The following DMAC1 variants were observed in gnomAD, a reference collection of about 807,000 sequenced individuals.
The protein encoded by DMAC1 is distal membrane-arm assembly complex protein 1.
A neutral mutation model predicts 7.0 loss-of-function variants in DMAC1; 10 were observed. The observed-to-expected ratio is 1.43, with a 90% confidence interval of 0.88 to 2.43. The LOEUF (loss-of-function observed/expected upper bound fraction) is 2.43, where lower values mean the gene tolerates loss of function less well. DMAC1 is among the 30% of genes most tolerant of loss of function. The pLI is 0.00. For missense variants in DMAC1, 219 were observed against 158.7 expected, an observed-to-expected ratio of 1.38 and a Z score of -2.04; for synonymous variants, 92 against 66.2, an observed-to-expected ratio of 1.39 and a Z score of -1.90.
chr9:7,799,525 C>CA lies in DMAC1; in HGVS notation c.209_210insT (p.Lys71GlufsTer89), dbSNP rs1818696920. 6.2e-7 allele frequency: 1 copy of CA among 1,613,628 alleles called. No homozygotes were observed. Among genetic ancestry groups the CA allele is most frequent in the African/African-American group, 1.3e-5 (1 of 74,890 alleles). On this transcript the variant is annotated frameshift_variant, in exon 1 of 2. Coordinates refer to ENST00000358227, the MANE Select transcript of DMAC1 (RefSeq NM_033428.3). LOFTEE classifies it high-confidence loss of function. Reference sequence around the variant, plus strand: ...GGGGGTATCCCATCTTCATGGGCTTCCGTGCCACCCAGTACACGTACCCGC... The same window carrying CA: ...GGGGGTATCCCATCTTCATGGGCTTCACGTGCCACCCAGTACACGTACCCGC...
rs1166060061 is a variant in DMAC1 at position 7,796,698 on chromosome 9, A to G, written c.*1875T>C. 2 of 152,216 alleles carry G rather than the reference A, an allele frequency of 1.3e-5. No homozygotes were observed. Among genetic ancestry groups the G allele is most frequent in the Non-Finnish European group, 2.9e-5 (2 of 68,044 alleles). The allele number at this position is 152,216 out of a possible 1,614,324, so 9.4% of individuals were successfully genotyped here. On this transcript the variant is annotated 3_prime_UTR_variant, in exon 2 of 2. Coordinates refer to ENST00000358227, the MANE Select transcript of DMAC1 (RefSeq NM_033428.3). Reference sequence around the variant, plus strand: ...ACCAACTCCTCTTGCTCCTCAGACTACTCAGCGTGAAGATGAGGATGAAGA... The same window carrying G: ...ACCAACTCCTCTTGCTCCTCAGACTGCTCAGCGTGAAGATGAGGATGAAGA...
chr9:7,799,584 G>C lies in DMAC1; in HGVS notation c.151C>G (p.Arg51Gly). The C allele has an allele frequency of 6.2e-7, 1 of 1,613,564 alleles. No individual in the cohort carries two copies. Among genetic ancestry groups the C allele is most frequent in the South Asian group, 1.1e-5 (1 of 91,022 alleles). ...ATCAGCCCCAACCCAGAAAGCACGC[G>C]ACAGCTCCAGCAGGTCTTCAACAGG... ...HRLLKTCWSCRVLSGLGLMGA... is the reference protein window; with the variant it reads ...HRLLKTCWSCGVLSGLGLMGA... The change falls in exon 1 of 2, where the codon CGC becomes GGC. Residue 51 changes from arginine (R) to glycine (G), a missense_variant. Arg to Gly is a moderately radical substitution (Grantham distance 125). Coordinates refer to ENST00000358227, the MANE Select transcript of DMAC1 (RefSeq NM_033428.3).
Position 7,798,575 on chromosome 9 carries a change from AAAC to A in DMAC1, c.334_336del (p.Val112del), listed in dbSNP as rs774054606. ...AGACAGATTCACTGGTGGTACTTTC[AAAC>A]AACGCGGTAGGCCTTCCCTTTGGGG... On this transcript the variant is annotated inframe_deletion, in exon 2 of 2. Coordinates refer to ENST00000358227, the MANE Select transcript of DMAC1 (RefSeq NM_033428.3). 4.3e-6 allele frequency: 7 copies of A among 1,613,822 alleles called. No homozygotes were observed. Among genetic ancestry groups the A allele is most frequent in the Middle Eastern group, 3.3e-4 (2 of 6,060 alleles).
chr9:7,799,413 T>TA, intron 1 of DMAC1, 48 bp downstream of exon 1: 1 of 1,600,374 alleles, frequency 6.2e-7, no homozygotes. Context: ...TTCCTTCCTC[T>TA]ACCCCGCAGA....
rs1008666272 is a variant in DMAC1 at position 7,796,502 on chromosome 9, A to C, written c.*2071T>G. ...GAACCAAACACACTTTGGCATTATT[A>C]ATGGTGAGCAGGCAGGTTTATTCAG... On this transcript the variant is annotated 3_prime_UTR_variant, in exon 2 of 2. Coordinates refer to ENST00000358227, the MANE Select transcript of DMAC1 (RefSeq NM_033428.3). The C allele has an allele frequency of 6.6e-6, 1 of 152,258 alleles. No homozygotes were observed. The highest frequency in any genetic ancestry group is 1.5e-5 in the Non-Finnish European group (1 of 68,048). 9.4% of individuals were successfully genotyped at this position (152,258 alleles called of 1,614,324 possible). A position where few individuals can be genotyped will look rare whatever the true frequency, so the allele number is the denominator to read the frequency against.
chr9:7,799,317 T>C, intron 1 of DMAC1, 144 bp downstream of exon 1: 3 of 1,060,940 alleles, frequency 2.8e-6, no homozygotes, highest in African/African-American at 1.6e-5. Flanking sequence ...AACAACTTCC[T>C]CTCCCACCTT....
chr9:7,799,648 T>TG lies in DMAC1; in HGVS notation c.86dup (p.Ala30SerfsTer130), dbSNP rs781664708. The stretch of plus-strand genomic sequence containing the variant: ...GGGAGGTCGGCGCTCCGGGTGTAGC[T>TG]GGGGGCGCAGGTTTGGCGGGCGCGG... On this transcript the variant is annotated frameshift_variant, in exon 1 of 2. Transcript: ENST00000358227. LOFTEE classifies it high-confidence loss of function. The TG allele has an allele frequency of 8.1e-6, 13 of 1,611,738 alleles. No individual in the cohort carries two copies. The highest frequency in any genetic ancestry group is 2.7e-5 in the African/African-American group (2 of 74,852).
chr9:7,796,678 C>T lies in DMAC1; in HGVS notation c.*1895G>A, dbSNP rs1818606687. 1 of 152,220 alleles carries T rather than the reference C, an allele frequency of 6.6e-6. No individual in the cohort carries two copies. Among genetic ancestry groups the T allele is most frequent in the Admixed American group, 6.5e-5 (1 of 15,284 alleles). 9.4% of individuals were successfully genotyped at this position (152,220 alleles called of 1,614,324 possible). A position where few individuals can be genotyped will look rare whatever the true frequency, so the allele number is the denominator to read the frequency against. ...TCTGCCACTGGGACAGAAAGACCAA[C>T]TCCTCTTGCTCCTCAGACTACTCAG... On this transcript the variant is annotated 3_prime_UTR_variant, in exon 2 of 2. Transcript: ENST00000358227.
chr9:7,797,460 C>G lies in DMAC1; in HGVS notation c.*1113G>C, dbSNP rs1166124786. 6.6e-6 allele frequency: 1 copy of G among 152,184 alleles called. No homozygotes were observed. The highest frequency in any genetic ancestry group is 1.5e-5 in the Non-Finnish European group (1 of 68,042). The allele number at this position is 152,184 out of a possible 1,614,324, so 9.4% of individuals were successfully genotyped here. A position where few individuals can be genotyped will look rare whatever the true frequency, so the allele number is the denominator to read the frequency against. On this transcript the variant is annotated 3_prime_UTR_variant, in exon 2 of 2. Transcript: ENST00000358227. Reference sequence around the variant, plus strand: ...AAAGCAACAGCCGTAAAGGTACTACCTGCTCAACATGTCATTCCAAACAAA... The same window carrying G: ...AAAGCAACAGCCGTAAAGGTACTACGTGCTCAACATGTCATTCCAAACAAA...
In DMAC1 at chr9:7,797,126, C is replaced by G. The variant is rs1219206845; in HGVS notation, c.*1447G>C. Reference sequence around the variant, plus strand: ...GCAGTCCATCAATAGAACAGACTGCCTTTTAAACCAGGGAACAACTTGTCT... The same window carrying G: ...GCAGTCCATCAATAGAACAGACTGCGTTTTAAACCAGGGAACAACTTGTCT... On this transcript the variant is annotated 3_prime_UTR_variant, in exon 2 of 2. Transcript: ENST00000358227. 1 of 152,136 alleles carries G rather than the reference C, an allele frequency of 6.6e-6. No individual in the cohort carries two copies. The highest frequency in any genetic ancestry group is 2.4e-5 in the African/African-American group (1 of 41,424). The allele number at this position is 152,136 out of a possible 1,614,324, so 9.4% of individuals were successfully genotyped here. A position where few individuals can be genotyped will look rare whatever the true frequency, so the allele number is the denominator to read the frequency against.
chr9:7,799,664 G>A lies in DMAC1; in HGVS notation c.71C>T (p.Ala24Val). Residue 24 changes from alanine (A) to valine (V), a missense_variant, in exon 1 of 2, where the codon GCC (alanine) becomes GTC (valine). Ala to Val is a moderately conservative substitution (Grantham distance 64). Coordinates refer to ENST00000358227, the MANE Select transcript of DMAC1 (RefSeq NM_033428.3). ...GGGTGTAGCTGGGGGCGCAGGTTTG[G>A]CGGGCGCGGCGGCGGTACCGGGAGG... is the stretch of plus-strand genomic sequence containing the variant. ...TAPPGTAAAP[A>V]KPAPPATPGA... 1 of 1,608,186 alleles carries A rather than the reference G, an allele frequency of 6.2e-7. No homozygotes were observed. Among genetic ancestry groups the A allele is most frequent in the South Asian group, 1.1e-5 (1 of 90,562 alleles).
chr9:7,798,110 C>T lies in DMAC1; in HGVS notation c.*463G>A, dbSNP rs1818652025. 6.6e-6 allele frequency: 1 copy of T among 152,504 alleles called. No individual in the cohort carries two copies. The highest frequency in any genetic ancestry group is 2.4e-5 in the African/African-American group (1 of 41,406). 9.4% of individuals were successfully genotyped at this position (152,504 alleles called of 1,614,324 possible). ...CCAATTATGAAAGAAATAAAAAGAA[C>T]TCTTTAAAATAATGAAGTAAAATAG... On this transcript the variant is annotated 3_prime_UTR_variant, in exon 2 of 2. Transcript: ENST00000358227.
rs773479686 is a variant in DMAC1 at position 7,799,712 on chromosome 9, G to A, written c.23C>T (p.Pro8Leu). 3.2e-6 allele frequency: 5 copies of A among 1,560,958 alleles called. No homozygotes were observed. The South Asian group carries it at 4.7e-5, about 15-fold the overall frequency. The change falls in exon 1 of 2, where the codon CCT becomes CTT. Residue 8 changes from proline to leucine, a missense_variant. Pro to Leu is a moderately conservative substitution (Grantham distance 98). Transcript: ENST00000358227. ...AGGCGCAGTGATATAGGACTCAAAA[G>A]GCTGGGACAACCGAGACCCCATGCT... MGSRLSQ[P>L]FESYITAPPG...
intron 1 of DMAC1, among the ~76,000 whole-genome samples, chr9:7,799,061 C>G (rs1161135442): frequency 6.6e-6 from 1 of 151,998 alleles, no homozygotes; most frequent in South Asian, 2.1e-4. Context: ...CAAGGGCCCT[C>G]GCTCAGGCTT....
chr9:7,799,394 C>A, intron 1 of DMAC1, 67 bp downstream of exon 1: 2 of 1,568,690 alleles, frequency 1.3e-6, no homozygotes, highest in Non-Finnish European at 1.7e-6. Flanking sequence ...GCCCACGTGG[C>A]TGCTCCGTTT....
rs1127430 is a variant in DMAC1 at position 7,799,653 on chromosome 9, G to A, written c.82C>T (p.Pro28Ser). ...GTCGGCGCTCCGGGTGTAGCTGGGG[G>A]CGCAGGTTTGGCGGGCGCGGCGGCG... ...GTAAAPAKPA[P>S]PATPGAPTSP... Residue 28 changes from proline (P) to serine (S), a missense_variant, in exon 1 of 2, where the codon CCC becomes TCC. Transcript: ENST00000358227. 6 of 1,610,844 alleles carry A rather than the reference G, an allele frequency of 3.7e-6. No homozygotes were observed. The South Asian group carries it at 4.4e-5, about 12-fold the overall frequency.
rs533775243 is a variant in DMAC1, at chr9:7,798,516, C to T, written c.*57G>A. 1.9e-6 allele frequency: 3 copies of T among 1,581,924 alleles called. No homozygotes were observed. The highest frequency in any genetic ancestry group is 2.2e-5 in the South Asian group (2 of 90,420). ...GAACACCCATTAAATTCCATGCCTGCTGTGTGTGTCACGGGGAAAGGGACA... is the reference window on the plus strand; with the variant it reads ...GAACACCCATTAAATTCCATGCCTGTTGTGTGTGTCACGGGGAAAGGGACA... On this transcript the variant is annotated 3_prime_UTR_variant, in exon 2 of 2. Coordinates refer to ENST00000358227, the MANE Select transcript of DMAC1 (RefSeq NM_033428.3).
rs1196988664 is a variant in DMAC1 at position 7,797,587 on chromosome 9, C to A, written c.*986G>T. 1 of 152,036 alleles carries A rather than the reference C, an allele frequency of 6.6e-6. No individual in the cohort carries two copies. The highest frequency in any genetic ancestry group is 1.5e-5 in the Non-Finnish European group (1 of 68,002). 9.4% of individuals were successfully genotyped at this position (152,036 alleles called of 1,614,324 possible). A position where few individuals can be genotyped will look rare whatever the true frequency, so the allele number is the denominator to read the frequency against. Reference sequence around the variant, plus strand: ...CATAGTATCTCAGGGTAGAAAAACCCAATAGGTAGAAAACATGGCCTTCTC... The same window carrying A: ...CATAGTATCTCAGGGTAGAAAAACCAAATAGGTAGAAAACATGGCCTTCTC... On this transcript the variant is annotated 3_prime_UTR_variant, in exon 2 of 2. Coordinates refer to ENST00000358227, the MANE Select transcript of DMAC1 (RefSeq NM_033428.3).
chr9:7,796,746 C>T lies in DMAC1; in HGVS notation c.*1827G>A, dbSNP rs1818608598. ...AGACCTTTAGGATGATTCACTTCTA[C>T]CTAACGAATAGTGAATATATTACTT... On this transcript the variant is annotated 3_prime_UTR_variant, in exon 2 of 2. Coordinates refer to ENST00000358227, the MANE Select transcript of DMAC1 (RefSeq NM_033428.3). 4 of 151,620 alleles carry T rather than the reference C, an allele frequency of 2.6e-5. No homozygotes were observed. The highest frequency in any genetic ancestry group is 9.7e-5 in the African/African-American group (4 of 41,260). 9.4% of individuals were successfully genotyped at this position (151,620 alleles called of 1,614,324 possible).
Sources: allele counts gnomAD v4.1 joint callset (sites outside exome capture counted in the v4.1 genomes callset), GRCh38; gene constraint gnomAD v4.1.1; transcripts MANE v1.5; gene names NCBI Gene and HGNC (gene_info 2026-07-23, HGNC 2026-07-21).